Variants in NRG1 observed in about 807,000 individuals in gnomAD.
The protein encoded by NRG1 is neuregulin 1.
In NRG1, 18 loss-of-function variants were observed where a neutral mutation model predicts 63.8. That is an observed-to-expected ratio of 0.28 (90% CI 0.19 to 0.42). The LOEUF is 0.42. NRG1 is among the 10% of genes least tolerant of loss of function. The pLI, the probability that NRG1 is intolerant of heterozygous loss-of-function variation, is 1.00. For missense variants in NRG1, 762 were observed against 814.7 expected (o/e 0.94, Z 0.79); for synonymous variants, 302 against 301.3 (o/e 1.00, Z -0.02).
At chr8:31,956,274 A>T (rs967480298) in intron 1 of NRG1, among the ~76,000 whole-genome samples, 2 of 152,146 alleles carry the variant, frequency 1.3e-5, no homozygotes, top group Admixed American at 6.5e-5. Context: ...GGTAATGTGA[A>T]TGTGTAGGCA....
intron 1 of NRG1, among the ~76,000 whole-genome samples, chr8:31,951,078 G>T (rs977934342): frequency 6.6e-6 from 1 of 152,216 alleles, no homozygotes; most frequent in Non-Finnish European, 1.5e-5. Flanking sequence ...TGGAAGGACT[G>T]TGTGAGAATA....
At chr8:32,260,709 C>T (rs1000746741) in intron 1 of NRG1, among the ~76,000 whole-genome samples, 7 of 152,152 alleles carry the variant, frequency 4.6e-5, no homozygotes, top group African/African-American at 9.6e-5. Context: ...TTTAGTACTG[C>T]GTAGAGTAGG....
At position 31,718,376 on chromosome 8, in the gene NRG1, T is replaced by C. The variant is rs111425589; in HGVS notation, c.37+78945T>C. ...TGGATTCGTTCGTATCAGGCATGCT[T>C]CTTATAGGAATCCTTTAATGCACTC... On this transcript the variant is annotated intron_variant, in intron 1 of 10. Coordinates refer to the NRG1 transcript ENST00000519301. Among the ~76,000 whole-genome samples the C allele has an allele frequency of 7.6e-3, 1,153 of 152,230 alleles. 6 individuals are homozygous for C. The highest frequency in any genetic ancestry group is 0.026 in the African/African-American group (1,080 of 41,538).
In NRG1 at chr8:32,366,677, G is replaced by GTA. The variant is rs71208175; in HGVS notation, c.38-229115_38-229114dup. Among the ~76,000 whole-genome samples the GTA allele has an allele frequency of 6.4e-3, 560 of 87,354 alleles. 6 individuals are homozygous for GTA. The highest frequency in any genetic ancestry group is 0.022 in the African/African-American group (469 of 21,490). The allele number at this position is 87,354 out of a possible 152,430, so 57.3% of individuals were successfully genotyped here. On this transcript the variant is annotated intron_variant, in intron 1 of 10. Transcript: ENST00000519301. ...ATTGTGTGTGTGTGTGTGTGTGTGT[G>GTA]TATATATATATATATATATATATAT...
At chr8:31,768,443 A>T (rs1397898858) in intron 1 of NRG1, among the ~76,000 whole-genome samples, 4 of 152,180 alleles carry the variant, frequency 2.6e-5, no homozygotes, top group Non-Finnish European at 2.9e-5. Context: ...TTAGTTTACT[A>T]CTTAAGCTCT....
At position 32,340,728 on chromosome 8, in the gene NRG1, A is replaced by C. The variant is rs75604186; in HGVS notation, c.38-255100A>C. Among the ~76,000 whole-genome samples, 1,058 of 152,262 alleles carry C rather than the reference A, an allele frequency of 6.9e-3. 11 individuals are homozygous for C. Among genetic ancestry groups the C allele is most frequent in the African/African-American group, 0.023 (965 of 41,526 alleles). Reference sequence around the variant, plus strand: ...AAGAACTTTCAAGGTCACTCACAGAATACATGCCTGAGCTGGGATTCTAAC... The same window carrying C: ...AAGAACTTTCAAGGTCACTCACAGACTACATGCCTGAGCTGGGATTCTAAC... On this transcript the variant is annotated intron_variant, in intron 1 of 10. Transcript: ENST00000519301.
chr8:32,534,599 C>T (rs774669518), intron 1 of NRG1, among the ~76,000 whole-genome samples: 13 of 152,138 alleles, frequency 8.5e-5, no homozygotes, highest in African/African-American at 2.2e-4. Context: ...TGCCACAGAA[C>T]GGTGATGTTG....
chr8:32,614,245 T>C (rs1316360811), intron 3 of NRG1: 2 of 317,048 alleles, frequency 6.3e-6, no homozygotes, highest in Non-Finnish European at 5.8e-6. Flanking sequence ...ACATAAATTC[T>C]TCCTCACTGA....
chr8:32,235,236 A>C (rs1247318335), intron 1 of NRG1, among the ~76,000 whole-genome samples: 1 of 15,132 alleles, frequency 6.6e-5, no homozygotes, highest in African/African-American at 1.1e-3. Context: ...TCTACAAAAA[A>C]AAAAAAAAAA....
chr8:32,378,205 G>A (rs1024310223), intron 1 of NRG1, among the ~76,000 whole-genome samples: 7 of 152,104 alleles, frequency 4.6e-5, no homozygotes, highest in Admixed American at 1.3e-4. Flanking sequence ...TAGACATGTT[G>A]TGGGGCCCAG....
At chr8:32,664,093 T>C (rs1803540504) in intron 5 of NRG1, among the ~76,000 whole-genome samples, 1 of 152,172 alleles carries the variant, frequency 6.6e-6, no homozygotes, top group Non-Finnish European at 1.5e-5. Flanking sequence ...TCTTTGGTTT[T>C]ATTTACCTCC....
chr8:31,685,173 T>C (rs557117152), intron 1 of NRG1, among the ~76,000 whole-genome samples: 1 of 152,280 alleles, frequency 6.6e-6, no homozygotes, highest in South Asian at 2.1e-4. Flanking sequence ...TGTGCTTTTG[T>C]ACTGGGGGAT....
At chr8:32,298,513 C>T (rs1180339923) in intron 1 of NRG1, among the ~76,000 whole-genome samples, 2 of 151,176 alleles carry the variant, frequency 1.3e-5, no homozygotes, top group African/African-American at 4.9e-5. Context: ...GTCGGGAGTT[C>T]GAGACTAGCT....
At chr8:32,158,941 T>C (rs922325342) in intron 1 of NRG1, among the ~76,000 whole-genome samples, 1 of 152,026 alleles carries the variant, frequency 6.6e-6, no homozygotes, top group Non-Finnish European at 1.5e-5. Flanking sequence ...CCACACAGGC[T>C]CCTCCCACCA....
chr8:32,244,839 G>A (rs902628426), intron 1 of NRG1, among the ~76,000 whole-genome samples: 3 of 152,174 alleles, frequency 2.0e-5, no homozygotes, highest in Non-Finnish European at 4.4e-5. Flanking sequence ...TAGAGATCAG[G>A]CTCCTTAAAA....
intron 1 of NRG1, among the ~76,000 whole-genome samples, chr8:31,972,747 C>T (rs1488502545): frequency 6.6e-6 from 1 of 152,120 alleles, no homozygotes; most frequent in East Asian, 1.9e-4. Flanking sequence ...GGAATGGACT[C>T]ACTCATTCAT....
chr8:32,141,162 T>C (rs1465569672), intron 1 of NRG1, among the ~76,000 whole-genome samples: 7 of 152,094 alleles, frequency 4.6e-5, no homozygotes. Context: ...TAGTAGTGGA[T>C]TGTCTGGTAA....
chr8:32,431,192 T>C (rs1173787490), intron 1 of NRG1, among the ~76,000 whole-genome samples: 2 of 152,180 alleles, frequency 1.3e-5, no homozygotes, highest in African/African-American at 4.8e-5. Flanking sequence ...AGAGCGTATG[T>C]TCTATCTATG....
At position 32,104,394 on chromosome 8, in the gene NRG1, G is replaced by A. The variant is rs115817448; in HGVS notation, c.37+464963G>A. On this transcript the variant is annotated intron_variant, in intron 1 of 10. Coordinates refer to the NRG1 transcript ENST00000519301. Reference sequence around the variant, plus strand: ...ACTGCGTGTTGCTCTGGGTGGGTCAGTGAGTGAGTGGTGAGAGAGTGTGAA... The same window carrying A: ...ACTGCGTGTTGCTCTGGGTGGGTCAATGAGTGAGTGGTGAGAGAGTGTGAA... Among the ~76,000 whole-genome samples, 1,089 of 152,276 alleles carry A rather than the reference G, an allele frequency of 7.2e-3. 18 individuals carry two copies. Among genetic ancestry groups the A allele is most frequent in the African/African-American group, 0.025 (1,047 of 41,560 alleles).
Sources: gnomAD v4.1 joint callset for allele counts (sites outside exome capture counted in the v4.1 genomes callset) on GRCh38, gnomAD v4.1.1 for gene constraint, MANE v1.5 for transcripts, NCBI Gene and HGNC (gene_info 2026-07-23, HGNC 2026-07-21) for gene names.